The following VWF variants were observed in gnomAD, a reference collection of about 807,000 sequenced individuals.
The protein encoded by VWF is von Willebrand factor.
VWF carries 176 observed loss-of-function variants against 308.6 expected under a neutral mutation model. That is an observed-to-expected ratio of 0.57 (90% confidence interval 0.50 to 0.65). The LOEUF (loss-of-function observed/expected upper bound fraction) is 0.65, where lower values mean the gene tolerates loss of function less well. Ranked by LOEUF, VWF falls within the 30% of genes least tolerant of loss-of-function variation. VWF has a pLI of 0.00. For synonymous variants in VWF, 1,385 were observed against 1,443.4 expected (o/e 0.96, Z 0.92); for missense variants, 3,146 against 3,648.2 (o/e 0.86, Z 3.55).
At chr12:6,006,419 TTAAGTA>T (rs1237411768) in intron 34 of VWF, among the ~76,000 whole-genome samples, 6 of 152,148 alleles carry the variant, frequency 3.9e-5, no homozygotes, top group African/African-American at 1.2e-4. Context: ...CATAGTTACT[TTAAGTA>T]TAAGTAGAAT....
chr12:6,064,014 G>A (rs1591895008), intron 12 of VWF, among the ~76,000 whole-genome samples: 1 of 152,310 alleles, frequency 6.6e-6, no homozygotes, highest in African/African-American at 2.4e-5. Context: ...CAGGTCTAGA[G>A]CAACCTCTTC....
intron 26 of VWF, 50 bp from the exon 27 acceptor site, chr12:6,022,085 A>G (rs766157560): frequency 6.2e-6 from 10 of 1,612,872 alleles, no homozygotes; most frequent in African/African-American, 1.3e-5. Context: ...CTTTCCCACG[A>G]GGAAGCCTCA....
At chr12:6,040,909 C>T (rs1944389553) in intron 18 of VWF, among the ~76,000 whole-genome samples, 1 of 152,168 alleles carries the variant, frequency 6.6e-6, no homozygotes, top group Admixed American at 6.5e-5. Flanking sequence ...ACGGTGGACA[C>T]TGAGAGGCAC....
rs568069996 is a variant in VWF, at chr12:6,103,513, T to C, written c.532+6861A>G. On this transcript the variant is annotated intron_variant, in intron 5 of 51. Coordinates refer to ENST00000261405, the MANE Select transcript of VWF (RefSeq NM_000552.5). Reference sequence around the variant, plus strand: ...ATGTGTATACACACACGTATATATATACACACATATGTGTATATACACATA... The same window carrying C: ...ATGTGTATACACACACGTATATATACACACACATATGTGTATATACACATA... Among the ~76,000 whole-genome samples, 19 of 135,190 alleles carry C rather than the reference T, an allele frequency of 1.4e-4. 2 individuals are homozygous for C. The highest frequency in any genetic ancestry group is 2.9e-4 in the Admixed American group (4 of 13,636). 88.7% of individuals were successfully genotyped at this position (135,190 alleles called of 152,430 possible). A position where few individuals can be genotyped will look rare whatever the true frequency, so the allele number is the denominator to read the frequency against.
chr12:5,985,549 G>A lies in VWF; in HGVS notation c.6901+14C>T, dbSNP rs202001513. ...GTTCCTCCATGAAGGCACCAGGGAG[G>A]GGAGGACTCTCACCTTTGGCCGTGG... On this transcript the variant is annotated intron_variant, in intron 39 of 51. Transcript: ENST00000261405. 4.6e-4 allele frequency: 747 copies of A among 1,613,172 alleles called. 6 individuals carry two copies. The African/African-American group carries it at 8.7e-3, about 19-fold the overall frequency.
At chr12:6,116,693 A>T (rs900960803) in intron 3 of VWF, among the ~76,000 whole-genome samples, 6 of 152,188 alleles carry the variant, frequency 3.9e-5, no homozygotes, top group African/African-American at 1.4e-4. Context: ...TGTCTGGCAA[A>T]CAGCCGTGTC....
chr12:5,980,132 AAGG>A (rs746825916), intron 42 of VWF, among the ~76,000 whole-genome samples: 2,197 of 112,542 alleles, frequency 0.02, 58 homozygotes, highest in East Asian at 0.057. Flanking sequence ...GGAAGGAAGG[AAGG>A]AAGAAAGGAG....
At position 6,110,488 on chromosome 12, in the gene VWF, T is replaced by C. The variant is rs148218885; in HGVS notation, c.418A>G (p.Ile140Val). ...SGEAYGFVARIDGSGNFQVLL... is the reference protein window; with the variant it reads ...SGEAYGFVARVDGSGNFQVLL... ...ACTTGAAAGTTGCCGCTGCCATCGA[T>C]CCTGGCCACAAAGCCATAGGCCTCA... The change falls in exon 5 of 52, where the codon ATC becomes GTC. Residue 140 changes from isoleucine to valine, a missense_variant. Coordinates refer to ENST00000261405, the MANE Select transcript of VWF (RefSeq NM_000552.5). 14 of 1,614,124 alleles carry C rather than the reference T, an allele frequency of 8.7e-6. No homozygotes were observed. The African/African-American group carries it at 1.9e-4, about 22-fold the overall frequency.
At chr12:6,072,593 T>A in intron 8 of VWF, 151 bp from the exon 9 acceptor site, 1 of 712,730 alleles carries the variant, frequency 1.4e-6, no homozygotes, top group East Asian at 2.7e-5. Context: ...TAATGCAATA[T>A]AAGGAAGGGA....
intron 5 of VWF, among the ~76,000 whole-genome samples, chr12:6,100,506 T>C (rs1945150904): frequency 6.6e-6 from 1 of 151,306 alleles, no homozygotes. Context: ...TGTCCAACAA[T>C]GATAGACTGG....
chr12:6,091,266 C>G (rs993096036), intron 6 of VWF, among the ~76,000 whole-genome samples: 2 of 148,926 alleles, frequency 1.3e-5, no homozygotes, highest in African/African-American at 5.0e-5. Flanking sequence ...AACGAAGCTT[C>G]CTCGTGTTAC....
At chr12:6,120,652 T>C (rs996066631) in intron 3 of VWF, among the ~76,000 whole-genome samples, 3 of 152,114 alleles carry the variant, frequency 2.0e-5, no homozygotes, top group Non-Finnish European at 2.9e-5. Context: ...TCATGCAACC[T>C]TCATGAGCCT....
At position 6,023,719 on chromosome 12, in the gene VWF, G is replaced by A. The variant is rs149895348; in HGVS notation, c.3291C>T (p.Cys1097=). ...DTCSCESIGD[C]ACFCDTIAAY... Reference sequence around the variant, plus strand: ...CAGCAATGGTGTCGCAGAAGCAGGCGCAGTCCCCAATGGACTCACAGGAGC... The same window carrying A: ...CAGCAATGGTGTCGCAGAAGCAGGCACAGTCCCCAATGGACTCACAGGAGC... Residue 1097 remains cysteine (C), a synonymous_variant, in exon 25 of 52, where the codon TGC becomes TGT. Coordinates refer to ENST00000261405, the MANE Select transcript of VWF (RefSeq NM_000552.5). The A allele has an allele frequency of 1.2e-4, 196 of 1,613,810 alleles. No individual in the cohort carries two copies. The highest frequency in any genetic ancestry group is 7.0e-4 in the Admixed American group (42 of 60,014).
intron 18 of VWF, among the ~76,000 whole-genome samples, chr12:6,041,090 G>A (rs1330005235): frequency 6.6e-6 from 1 of 152,096 alleles, no homozygotes; most frequent in South Asian, 2.1e-4. Context: ...CATAAAAAGT[G>A]GGAAGTAAGA....
At chr12:6,047,488 C>A (rs768634672) in intron 16 of VWF, among the ~76,000 whole-genome samples, 4 of 152,206 alleles carry the variant, frequency 2.6e-5, no homozygotes, top group African/African-American at 9.7e-5. Context: ...CTGCCACTGT[C>A]TTCTCCCTCA....
At chr12:6,080,621 C>T (rs1381754256) in intron 6 of VWF, among the ~76,000 whole-genome samples, 1 of 152,176 alleles carries the variant, frequency 6.6e-6, no homozygotes, top group African/African-American at 2.4e-5. Context: ...ACGGCTGAGC[C>T]GAGCACTAAG....
intron 3 of VWF, among the ~76,000 whole-genome samples, chr12:6,116,945 C>A (rs562921313): frequency 6.6e-6 from 1 of 152,212 alleles, no homozygotes; most frequent in African/African-American, 2.4e-5. Context: ...CTGCAGGGCC[C>A]AAGTCCTGGG....
At chr12:6,014,834 C>T (rs1194020397) in intron 31 of VWF, among the ~76,000 whole-genome samples, 1 of 152,206 alleles carries the variant, frequency 6.6e-6, no homozygotes, top group Non-Finnish European at 1.5e-5. Context: ...AGAGAATGTG[C>T]ATGCTCATTT....
At chr12:5,952,138 T>C (rs943273948) in intron 49 of VWF, 4 of 648,094 alleles carry the variant, frequency 6.2e-6, no homozygotes, top group East Asian at 2.7e-5. Context: ...AAAAATCAGT[T>C]TGATCTCACA....
Sources: allele counts gnomAD v4.1 joint callset (sites outside exome capture counted in the v4.1 genomes callset), GRCh38; gene constraint gnomAD v4.1.1; transcripts MANE v1.5; gene names NCBI Gene and HGNC (gene_info 2026-07-23, HGNC 2026-07-21).